ATP11A: variants seen among roughly 807,000 people sequenced by gnomAD.
ATP11A encodes the protein phospholipid-transporting ATPase IH.
A neutral mutation model predicts 154.4 loss-of-function variants in ATP11A; 81 were observed. The ratio of observed to expected loss-of-function variants is 0.52; its 90% CI spans 0.44 to 0.63. The LOEUF (loss-of-function observed/expected upper bound fraction) is 0.63, where lower values mean the gene tolerates loss of function less well. Ranked by LOEUF, ATP11A falls within the 30% of genes least tolerant of loss-of-function variation. The pLI, the probability that ATP11A is intolerant of heterozygous loss-of-function variation, is 0.00. For missense variants in ATP11A, 1,316 were observed against 1,474.3 expected (o/e 0.89, Z 1.76); for synonymous variants, 623 against 585.9 (o/e 1.06, Z -0.91).
At chr13:112,771,109 T>A (rs887302763) in intron 1 of ATP11A, among the ~76,000 whole-genome samples, 1 of 152,180 alleles carries the variant, frequency 6.6e-6, no homozygotes, top group Non-Finnish European at 1.5e-5. Flanking sequence ...AGCCTATTTT[T>A]AAAAAATCTC....
rs1311200534 is a variant in ATP11A at position 112,806,300 on chromosome 13, A to G, written c.333+7A>G. On this transcript the variant is annotated splice_region_variant and intron_variant, in intron 4 of 29. Transcript: ENST00000375645. Reference sequence around the variant, plus strand: ...TGTGACGGCTATCAAACAGGTAAGCATTTTACAGACGAAAAAGAAGCAATC... The same window carrying G: ...TGTGACGGCTATCAAACAGGTAAGCGTTTTACAGACGAAAAAGAAGCAATC... 1.2e-6 allele frequency: 2 copies of G among 1,606,706 alleles called. No homozygotes were observed. The highest frequency in any genetic ancestry group is 1.7e-5 in the Admixed American group (1 of 59,184).
At position 112,691,703 on chromosome 13, in the gene ATP11A, C is replaced by G. The variant is rs531658844; in HGVS notation, c.39+1248C>G. Reference sequence around the variant, plus strand: ...CGGCATAGGAATTACCTCAGGCAGCCTTTCATATTTATGAGCCTTCTTTAA... The same window carrying G: ...CGGCATAGGAATTACCTCAGGCAGCGTTTCATATTTATGAGCCTTCTTTAA... On this transcript the variant is annotated intron_variant, in intron 1 of 29. Transcript: ENST00000375645. Among the ~76,000 whole-genome samples the G allele has an allele frequency of 1.2e-4, 19 of 152,156 alleles. No homozygotes were observed. In the South Asian group the frequency reaches 3.9e-3, roughly 32 times the overall value.
rs1470440106 is a variant in ATP11A at position 112,875,418 on chromosome 13, C to T, written c.3162-358C>T. Among the ~76,000 whole-genome samples the T allele has an allele frequency of 3.9e-5, 6 of 152,008 alleles. No homozygotes were observed. Among genetic ancestry groups the T allele is most frequent in the East Asian group, 1.9e-4 (1 of 5,180 alleles). On this transcript the variant is annotated intron_variant, in intron 27 of 29. Transcript: ENST00000375645. The surrounding 1 kb of genome is among the most constrained non-coding windows in gnomAD (Gnocchi z 4.1). ...TTGCTCTGTACTGACGACCAGTGCTCGGGACGTCCTTCCCATCCGAGACTT... is the reference window on the plus strand; with the variant it reads ...TTGCTCTGTACTGACGACCAGTGCTTGGGACGTCCTTCCCATCCGAGACTT...
intron 17 of ATP11A, among the ~76,000 whole-genome samples, chr13:112,845,040 A>G (rs2079543886): frequency 6.7e-6 from 1 of 148,164 alleles, no homozygotes; most frequent in Non-Finnish European, 1.5e-5. Context: ...GTTACCGGGC[A>G]CTAGCCATAC....
intron 1 of ATP11A, among the ~76,000 whole-genome samples, chr13:112,778,092 G>T (rs944860240): frequency 6.6e-6 from 1 of 152,166 alleles, no homozygotes; most frequent in East Asian, 1.9e-4. Flanking sequence ...GTGAATCGTG[G>T]AAATGAGTCA....
intron 1 of ATP11A, among the ~76,000 whole-genome samples, chr13:112,728,325 G>A (rs1034298918): frequency 1.3e-5 from 2 of 150,284 alleles, no homozygotes; most frequent in African/African-American, 4.9e-5. Context: ...TGAGACTGCG[G>A]CCCGCCTCCC....
intron 26 of ATP11A, among the ~76,000 whole-genome samples, chr13:112,872,392 C>T (rs2080551605): frequency 6.6e-6 from 1 of 152,184 alleles, no homozygotes; most frequent in African/African-American, 2.4e-5. Flanking sequence ...GGATGGATCA[C>T]CTGAGGTCAG....
chr13:112,844,334 T>G (rs1212817915), intron 17 of ATP11A, among the ~76,000 whole-genome samples: 1 of 152,200 alleles, frequency 6.6e-6, no homozygotes, highest in East Asian at 1.9e-4. Context: ...TCAGAAAGTC[T>G]TCTTGAGATG....
At chr13:112,721,501 G>A (rs1566380394) in intron 1 of ATP11A, among the ~76,000 whole-genome samples, 1 of 152,242 alleles carries the variant, frequency 6.6e-6, no homozygotes, top group Non-Finnish European at 1.5e-5. Context: ...GCACACTGCA[G>A]CGGTCACTGC....
intron 1 of ATP11A, among the ~76,000 whole-genome samples, chr13:112,735,971 G>A (rs71446625): frequency 3.3e-5 from 5 of 152,136 alleles, no homozygotes; most frequent in African/African-American, 1.2e-4. Context: ...GTCTGCACAT[G>A]CCCAGAGCCT....
At position 112,859,128 on chromosome 13, in the gene ATP11A, T is replaced by C. The variant is rs747914891; in HGVS notation, c.2668-265T>C. The C allele has an allele frequency of 2.1e-6, 1 of 482,560 alleles. No homozygotes were observed. The highest frequency in any genetic ancestry group is 3.8e-6 in the Non-Finnish European group (1 of 262,692). 29.9% of individuals were successfully genotyped at this position (482,560 alleles called of 1,614,324 possible). On this transcript the variant is annotated intron_variant, in intron 22 of 29. Transcript: ENST00000375645. The surrounding 1 kb of genome is among the most constrained non-coding windows in gnomAD (Gnocchi z 4.3). ...CAGTTCGATTCTTTCCCGTTTATACTGATACCTGCATTGCCTTCTTGTTTC... is the reference window on the plus strand; with the variant it reads ...CAGTTCGATTCTTTCCCGTTTATACCGATACCTGCATTGCCTTCTTGTTTC...
chr13:112,860,785 C>T (rs896500335), intron 24 of ATP11A: 2 of 161,192 alleles, frequency 1.2e-5, no homozygotes, highest in Non-Finnish European at 2.7e-5. Context: ...TGAGAAAAAA[C>T]AAAAATTAAC....
intron 1 of ATP11A, among the ~76,000 whole-genome samples, chr13:112,729,662 G>A (rs953904859): frequency 5.9e-5 from 9 of 152,248 alleles, no homozygotes; most frequent in Admixed American, 2.0e-4. Flanking sequence ...TGTGAACAGC[G>A]TCAGAAGGCA....
At chr13:112,700,992 AG>A (rs2139492281) in intron 1 of ATP11A, among the ~76,000 whole-genome samples, 1 of 152,270 alleles carries the variant, frequency 6.6e-6, no homozygotes, top group South Asian at 2.1e-4. Context: ...TGTGGGGAAG[AG>A]GCTGGGCTTG....
chr13:112,735,024 G>T (rs1890853827), intron 1 of ATP11A, among the ~76,000 whole-genome samples: 1 of 152,150 alleles, frequency 6.6e-6, no homozygotes, highest in Non-Finnish European at 1.5e-5. Flanking sequence ...CAACATAAAA[G>T]AGGACTTTTT....
At chr13:112,707,097 G>A (rs945651141) in intron 1 of ATP11A, among the ~76,000 whole-genome samples, 1 of 152,290 alleles carries the variant, frequency 6.6e-6, no homozygotes, top group South Asian at 2.1e-4. Flanking sequence ...ACCACTAAAC[G>A]AGCATACAGT....
chr13:112,791,156 T>C (rs1291702082), intron 2 of ATP11A, among the ~76,000 whole-genome samples: 2 of 152,200 alleles, frequency 1.3e-5, no homozygotes, highest in Non-Finnish European at 2.9e-5. Context: ...CCAAACATAC[T>C]GCTTAGAACT....
chr13:112,714,560 G>A (rs562380840), intron 1 of ATP11A, among the ~76,000 whole-genome samples: 1 of 152,358 alleles, frequency 6.6e-6, no homozygotes, highest in African/African-American at 2.4e-5. Flanking sequence ...AGGCCCGTCT[G>A]GCTTCTGGCT....
In ATP11A at chr13:112,751,678, C is replaced by CAA. The variant is rs897726447; in HGVS notation, c.40-33447_40-33446dup. ...ATCTCAAAAACAAAACAAAACAAAA[C>CAA]AAAAAAAAAAACAGACATTGGCCCT... On this transcript the variant is annotated intron_variant, in intron 1 of 29. Transcript: ENST00000375645. Among the ~76,000 whole-genome samples the CAA allele has an allele frequency of 1.4e-3, 206 of 144,546 alleles. 1 individual carries two copies. Among genetic ancestry groups the CAA allele is most frequent in the Non-Finnish European group, 1.3e-3 (86 of 64,996 alleles). 94.8% of individuals were successfully genotyped at this position (144,546 alleles called of 152,430 possible).
Sources: gnomAD v4.1 joint callset for allele counts (sites outside exome capture counted in the v4.1 genomes callset) on GRCh38, gnomAD v4.1.1 for gene constraint, Gnocchi (gnomAD v3.1) non-coding constraint, MANE v1.5 for transcripts, NCBI Gene and HGNC (gene_info 2026-07-23, HGNC 2026-07-21) for gene names.